HS3ST2: variants seen among roughly 807,000 people sequenced by gnomAD.
HS3ST2 encodes the protein heparan sulfate glucosamine 3-O-sulfotransferase 2.
Under a neutral mutation model 26.3 loss-of-function variants are expected in HS3ST2, and 17 were observed. The observed-to-expected ratio is 0.65, with a 90% CI of 0.44 to 0.97. HS3ST2 has a LOEUF of 0.97. Ranked by LOEUF, HS3ST2 falls within the 50% of genes least tolerant of loss-of-function variation. HS3ST2 has a pLI of 0.00. For missense variants in HS3ST2, 402 were observed against 501.2 expected (o/e 0.80, Z 1.89); for synonymous variants, 237 against 219.2 (o/e 1.08, Z -0.72).
intron 1 of HS3ST2, among the ~76,000 whole-genome samples, chr16:22,893,408 A>G (rs1902156613): frequency 6.6e-6 from 1 of 152,204 alleles, no homozygotes; most frequent in South Asian, 2.1e-4. Flanking sequence ...GTTGAGATGG[A>G]TATTCTGTTT....
At chr16:22,883,146 C>A (rs1222500087) in intron 1 of HS3ST2, among the ~76,000 whole-genome samples, 1 of 152,168 alleles carries the variant, frequency 6.6e-6, no homozygotes, top group Non-Finnish European at 1.5e-5. Context: ...AAAGTGCCAG[C>A]AGATGCCAAT....
intron 1 of HS3ST2, among the ~76,000 whole-genome samples, chr16:22,904,210 A>G (rs1028556241): frequency 5.3e-5 from 8 of 152,104 alleles, no homozygotes; most frequent in Non-Finnish European, 1.2e-4. Context: ...GGAAAAGGGG[A>G]CCCTGCCACC....
chr16:22,870,124 C>A (rs1345050785), intron 1 of HS3ST2, among the ~76,000 whole-genome samples: 1 of 151,942 alleles, frequency 6.6e-6, no homozygotes, highest in Non-Finnish European at 1.5e-5. Context: ...AGAAAGTGGC[C>A]GATGTGGAAT....
At chr16:22,843,574 TG>T (rs1596611421) in intron 1 of HS3ST2, among the ~76,000 whole-genome samples, 1 of 152,296 alleles carries the variant, frequency 6.6e-6, no homozygotes, top group East Asian at 1.9e-4. Context: ...TTTTAAATGA[TG>T]CAAATAAATA....
At chr16:22,907,298 G>T (rs1017593231) in intron 1 of HS3ST2, among the ~76,000 whole-genome samples, 2 of 152,154 alleles carry the variant, frequency 1.3e-5, no homozygotes, top group Non-Finnish European at 2.9e-5. Flanking sequence ...CCAAGCTAAG[G>T]AATACAGACC....
chr16:22,901,042 G>C (rs1278317557), intron 1 of HS3ST2, among the ~76,000 whole-genome samples: 3 of 152,128 alleles, frequency 2.0e-5, no homozygotes, highest in African/African-American at 7.2e-5. Flanking sequence ...AGAGAAAGAG[G>C]AACCTGCTAA....
At position 22,914,763 on chromosome 16, in the gene HS3ST2, A is replaced by AAAAAAAAAGAG. The variant is rs1489223344; in HGVS notation, c.486-180_486-179insAAAAAAAGAGA. On this transcript the variant is annotated intron_variant, in intron 1 of 1. Coordinates refer to ENST00000261374, the MANE Select transcript of HS3ST2 (RefSeq NM_006043.2). ...AAAAAAAAAAAAAAAAAAAAAAAAA[A>AAAAAAAAAGAG]AGAGAAGAAAAGAAAATCAACAAGA... 2.5e-5 allele frequency among the ~76,000 whole-genome samples: 3 copies of AAAAAAAAAGAG among 118,690 alleles called. 1 individual carries two copies. The highest frequency in any genetic ancestry group is 1.1e-4 in the African/African-American group (3 of 26,624). 77.9% of individuals were successfully genotyped at this position (118,690 alleles called of 152,430 possible).
intron 1 of HS3ST2, among the ~76,000 whole-genome samples, chr16:22,882,099 C>T (rs1901996590): frequency 1.3e-5 from 2 of 152,224 alleles, no homozygotes; most frequent in African/African-American, 2.4e-5. Flanking sequence ...GTGGCTCACA[C>T]CTGTAATCCC....
At chr16:22,817,203 G>A (rs1241415652) in intron 1 of HS3ST2, among the ~76,000 whole-genome samples, 1 of 152,048 alleles carries the variant, frequency 6.6e-6, no homozygotes, top group East Asian at 1.9e-4. Flanking sequence ...CATGCTGACA[G>A]CTCTGCTTCT....
intron 1 of HS3ST2, among the ~76,000 whole-genome samples, chr16:22,863,656 G>T (rs1901709957): frequency 6.6e-6 from 1 of 152,098 alleles, no homozygotes; most frequent in African/African-American, 2.4e-5. Context: ...CCCATCTTCT[G>T]GCTGCCCCTA....
At chr16:22,836,484 C>T (rs1300420721) in intron 1 of HS3ST2, among the ~76,000 whole-genome samples, 1 of 152,172 alleles carries the variant, frequency 6.6e-6, no homozygotes, top group Non-Finnish European at 1.5e-5. Context: ...CTGTATCAAC[C>T]ATTATGTCCT....
intron 1 of HS3ST2, among the ~76,000 whole-genome samples, chr16:22,889,329 G>T (rs576543861): frequency 6.6e-6 from 1 of 152,314 alleles, no homozygotes; most frequent in Admixed American, 6.5e-5. Flanking sequence ...AGGGCATCCT[G>T]TAACATGTGC....
At position 22,814,797 on chromosome 16, in the gene HS3ST2, G is replaced by C. The variant is rs751481853; in HGVS notation, c.187G>C (p.Gly63Arg). ...CTGCCTCCGCGGCCCCAGCGCGGGC[G>C]GCCAGAAACTTCTCCAGAAGTCCCG... ...PRCLRGPSAG[G>R]QKLLQKSRPC... The change falls in exon 1 of 2, where the codon GGC becomes CGC. Residue 63 changes from glycine (G) to arginine (R), a missense_variant. By Grantham distance (125) the Gly-to-Arg change is moderately radical (BLOSUM62 -2). This residue lies in a region of HS3ST2 where 165 missense variants were observed against 154.6 expected (regional missense o/e 1.07). Transcript: ENST00000261374. 3 of 1,590,894 alleles carry C rather than the reference G, an allele frequency of 1.9e-6. No individual in the cohort carries two copies. The highest frequency in any genetic ancestry group is 2.3e-5 in the South Asian group (2 of 88,172).
At chr16:22,855,511 A>C (rs1901578221) in intron 1 of HS3ST2, among the ~76,000 whole-genome samples, 1 of 152,116 alleles carries the variant, frequency 6.6e-6, no homozygotes, top group Non-Finnish European at 1.5e-5. Context: ...TCCCCTGTCC[A>C]GCTGCAACTG....
chr16:22,892,974 G>A (rs563245749), intron 1 of HS3ST2, among the ~76,000 whole-genome samples: 6 of 152,230 alleles, frequency 3.9e-5, no homozygotes, highest in South Asian at 4.2e-4. Context: ...GATGTCTGTC[G>A]AACATTATGA....
chr16:22,866,518 C>A (rs768547149), intron 1 of HS3ST2, among the ~76,000 whole-genome samples: 82 of 151,844 alleles, frequency 5.4e-4, no homozygotes, highest in Non-Finnish European at 1.0e-3. Context: ...GCTTATAATC[C>A]CAGTACATTG....
chr16:22,855,349 G>A (rs959262176), intron 1 of HS3ST2, among the ~76,000 whole-genome samples: 1 of 152,158 alleles, frequency 6.6e-6, no homozygotes, highest in Non-Finnish European at 1.5e-5. Flanking sequence ...CAGAAGGAGG[G>A]TGAGGCCACA....
chr16:22,824,500 T>C (rs1901052083), intron 1 of HS3ST2, among the ~76,000 whole-genome samples: 1 of 152,068 alleles, frequency 6.6e-6, no homozygotes, highest in Non-Finnish European at 1.5e-5. Context: ...TGAGCCGAGA[T>C]AGAGCCACTG....
chr16:22,910,995 G>C (rs1902418098), intron 1 of HS3ST2, among the ~76,000 whole-genome samples: 1 of 152,168 alleles, frequency 6.6e-6, no homozygotes, highest in South Asian at 2.1e-4. Flanking sequence ...GCATGTTAAG[G>C]GTGGATGAAA....
Sources: gnomAD v4.1 joint callset for allele counts (sites outside exome capture counted in the v4.1 genomes callset) on GRCh38, gnomAD v4.1.1 for gene constraint, gnomAD v4.1.1 regional missense constraint, MANE v1.5 for transcripts, NCBI Gene and HGNC (gene_info 2026-07-23, HGNC 2026-07-21) for gene names.